The following PDE10A variants were observed in gnomAD, a reference collection of about 807,000 sequenced individuals.
PDE10A encodes cAMP and cAMP-inhibited cGMP 3',5'-cyclic phosphodiesterase 10A.
Under a neutral mutation model 97.7 loss-of-function variants are expected in PDE10A, and 39 were observed. That is an observed-to-expected ratio of 0.40 (90% confidence interval 0.31 to 0.52). The LOEUF is 0.52. PDE10A is among the 20% of genes least tolerant of loss of function. PDE10A has a pLI of 0.56. For missense variants in PDE10A, 731 were observed against 1,047.8 expected, an observed-to-expected ratio of 0.70 and a Z score of 4.17; for synonymous variants, 371 against 376.8, an observed-to-expected ratio of 0.98 and a Z score of 0.18.
chr6:165,868,378 A>T (rs1438014725), intron 1 of PDE10A, among the ~76,000 whole-genome samples: 1 of 152,078 alleles, frequency 6.6e-6, no homozygotes, highest in African/African-American at 2.4e-5. Context: ...GACTATTATG[A>T]ACAACTATTT....
chr6:165,693,585 G>T (rs1582943053), intron 1 of PDE10A, among the ~76,000 whole-genome samples: 1 of 131,904 alleles, frequency 7.6e-6, no homozygotes, highest in East Asian at 2.2e-4. Context: ...AATATAAATA[G>T]CAGACAAGCA....
chr6:165,830,781 C>G (rs780347061), intron 1 of PDE10A, among the ~76,000 whole-genome samples: 2 of 152,136 alleles, frequency 1.3e-5, no homozygotes, highest in African/African-American at 2.4e-5. Context: ...TTCAATTCTC[C>G]CCCATTTCTT....
At chr6:165,685,356 G>A (rs1430902129) in intron 1 of PDE10A, among the ~76,000 whole-genome samples, 3 of 151,908 alleles carry the variant, frequency 2.0e-5, no homozygotes, top group East Asian at 1.9e-4. Flanking sequence ...AAATGGAAAG[G>A]CTATTAAATG....
chr6:165,964,245 G>C (rs577313197), intron 1 of PDE10A, among the ~76,000 whole-genome samples: 1 of 152,276 alleles, frequency 6.6e-6, no homozygotes, highest in Admixed American at 6.5e-5. Context: ...AGCAGCTGCA[G>C]CTTAGCATCG....
chr6:165,788,555 A>AG (rs1401760586), intron 1 of PDE10A, among the ~76,000 whole-genome samples: 1 of 150,830 alleles, frequency 6.6e-6, no homozygotes, highest in Non-Finnish European at 1.5e-5. Flanking sequence ...GAAAAGAAAA[A>AG]GAAAAAAAAA....
rs112810409 is a variant in PDE10A, at chr6:165,743,769, G to A, written c.-614-200201C>T. ...ATGAAGTGAAGACAGGAGTCAAAGCGACATGTTCCGACTCCCTGTCTATTC... is the reference window on the plus strand; with the variant it reads ...ATGAAGTGAAGACAGGAGTCAAAGCAACATGTTCCGACTCCCTGTCTATTC... On this transcript the variant is annotated intron_variant, in intron 1 of 19. Transcript: ENST00000366882. Among the ~76,000 whole-genome samples the A allele has an allele frequency of 2.2e-3, 330 of 152,348 alleles. 3 individuals carry two copies. The highest frequency in any genetic ancestry group is 7.6e-3 in the African/African-American group (314 of 41,578).
rs73245647 is a variant in PDE10A at position 165,423,904 on chromosome 6, G to A, written c.1653+4754C>T. Reference sequence around the variant, plus strand: ...CTTGTCTGAAAATAATAAATCTTCCGTATTATAAAAAAGATCCTCAAAAAA... The same window carrying A: ...CTTGTCTGAAAATAATAAATCTTCCATATTATAAAAAAGATCCTCAAAAAA... On this transcript the variant is annotated intron_variant, in intron 10 of 21. Transcript: ENST00000539869. 2.4e-3 allele frequency among the ~76,000 whole-genome samples: 358 copies of A among 151,088 alleles called. 1 individual carries two copies. The highest frequency in any genetic ancestry group is 8.1e-3 in the African/African-American group (333 of 41,214).
intron 5 of PDE10A, among the ~76,000 whole-genome samples, chr6:165,436,353 T>A (rs1790015787): frequency 6.6e-6 from 1 of 152,196 alleles, no homozygotes; most frequent in Non-Finnish European, 1.5e-5. Context: ...TTATCAGGTA[T>A]GTGGTTTTTA....
chr6:165,712,656 T>C (rs1418548847), intron 1 of PDE10A, among the ~76,000 whole-genome samples: 1 of 86,978 alleles, frequency 1.1e-5, no homozygotes, highest in Non-Finnish European at 2.2e-5. Flanking sequence ...TTTTTTTTTT[T>C]TGAGGTGGAG....
At chr6:165,412,583 G>A (rs147806572) in intron 13 of PDE10A, among the ~76,000 whole-genome samples, 134 of 152,268 alleles carry the variant, frequency 8.8e-4, no homozygotes, top group Middle Eastern at 3.4e-3. Context: ...CCAGGAATGC[G>A]TGAGGAGAGA....
At chr6:165,474,649 T>C (rs1779193772) in intron 3 of PDE10A, among the ~76,000 whole-genome samples, 1 of 152,038 alleles carries the variant, frequency 6.6e-6, no homozygotes, top group African/African-American at 2.4e-5. Flanking sequence ...ACATGCACCC[T>C]CGGTCCTAAA....
At chr6:165,583,748 C>T (rs932187634) in intron 1 of PDE10A, among the ~76,000 whole-genome samples, 1 of 152,268 alleles carries the variant, frequency 6.6e-6, no homozygotes, top group Non-Finnish European at 1.5e-5. Context: ...TGTATATGTC[C>T]TAAACTAGTG....
intron 1 of PDE10A, among the ~76,000 whole-genome samples, chr6:165,978,262 C>G (rs1404761107): frequency 6.6e-6 from 1 of 152,214 alleles, no homozygotes; most frequent in South Asian, 2.1e-4. Context: ...AAAATGTTGT[C>G]ATGTAAATAA....
intron 2 of PDE10A, among the ~76,000 whole-genome samples, chr6:165,525,354 G>A (rs938604180): frequency 3.3e-5 from 5 of 152,088 alleles, no homozygotes; most frequent in Non-Finnish European, 5.9e-5. Context: ...GCAGCTCGGG[G>A]AGTTAAAAAA....
intron 2 of PDE10A, among the ~76,000 whole-genome samples, chr6:165,500,050 C>T (rs1469191683): frequency 2.0e-5 from 3 of 152,138 alleles, no homozygotes; most frequent in African/African-American, 4.8e-5. Context: ...AGCATCTGAT[C>T]GCCCCACTCC....
chr6:165,448,994 A>G lies in PDE10A; in HGVS notation c.1145-17T>C. On this transcript the variant is annotated splice_polypyrimidine_tract_variant and intron_variant, in intron 4 of 21. Coordinates refer to ENST00000539869, the MANE Select transcript of PDE10A (RefSeq NM_001385079.1). Reference sequence around the variant, plus strand: ...CTTTTGTGGCTGCCAAAGTAATAAGAAAAGGAAGAAACTGAGCTCAGTGGG... The same window carrying G: ...CTTTTGTGGCTGCCAAAGTAATAAGGAAAGGAAGAAACTGAGCTCAGTGGG... 6.2e-7 allele frequency: 1 copy of G among 1,606,626 alleles called. No individual in the cohort carries two copies.
intron 1 of PDE10A, among the ~76,000 whole-genome samples, chr6:165,831,371 CAAAAA>C (rs760962725): frequency 2.2e-5 from 1 of 44,800 alleles, no homozygotes; most frequent in African/African-American, 9.0e-5. Flanking sequence ...GACTCTGTCT[CAAAAA>C]AAAAAAAAAA....
At chr6:165,427,916 T>C (rs1336445445) in intron 10 of PDE10A, among the ~76,000 whole-genome samples, 1 of 152,164 alleles carries the variant, frequency 6.6e-6, no homozygotes, top group Non-Finnish European at 1.5e-5. Context: ...TAATAACCTA[T>C]GTTATTCTCT....
At chr6:165,386,042 T>A (rs891601627) in intron 17 of PDE10A, among the ~76,000 whole-genome samples, 1 of 152,200 alleles carries the variant, frequency 6.6e-6, no homozygotes, top group African/African-American at 2.4e-5. Flanking sequence ...CATGCCTTTT[T>A]GAATGCCAAC....
Sources: gnomAD v4.1 joint callset for allele counts (sites outside exome capture counted in the v4.1 genomes callset) on GRCh38, gnomAD v4.1.1 for gene constraint, MANE v1.5 for transcripts, NCBI Gene and HGNC (gene_info 2026-07-23, HGNC 2026-07-21) for gene names.